Variants in UTP11 observed in about 807,000 individuals in gnomAD.
The protein encoded by UTP11 is probable U3 small nucleolar RNA-associated protein 11.
In UTP11, 29 loss-of-function variants were observed where a neutral mutation model predicts 39.0. The ratio of observed to expected loss-of-function variants is 0.74; its 90% CI spans 0.55 to 1.01. The LOEUF (loss-of-function observed/expected upper bound fraction) is 1.01, where lower values mean the gene tolerates loss of function less well. UTP11 is among the 50% of genes least tolerant of loss of function. UTP11 has a pLI of 0.00. For missense variants in UTP11, 281 were observed against 306.0 expected (o/e 0.92, Z 0.61); for synonymous variants, 111 against 105.0 (o/e 1.06, Z -0.35).
At position 38,024,011 on chromosome 1, in the gene UTP11, A is replaced by C. The variant is rs1301509054; in HGVS notation, c.*383A>C. On this transcript the variant is annotated 3_prime_UTR_variant, in exon 8 of 8. Coordinates refer to ENST00000373014, the MANE Select transcript of UTP11 (RefSeq NM_016037.4). The stretch of plus-strand genomic sequence containing the variant: ...TGCCACCATGTCTGAGTAATGTTTA[A>C]ATTTTCTGTAGAGACCAGGTTTTGC... The C allele has an allele frequency of 6.5e-6, 1 of 154,654 alleles. No individual in the cohort carries two copies. Among genetic ancestry groups the C allele is most frequent in the African/African-American group, 2.4e-5 (1 of 41,398 alleles). The allele number at this position is 154,654 out of a possible 1,614,324, so 9.6% of individuals were successfully genotyped here. A position where few individuals can be genotyped will look rare whatever the true frequency, so the allele number is the denominator to read the frequency against.
chr1:38,022,822 A>G lies in UTP11; in HGVS notation c.678+13A>G, dbSNP rs781150165. On this transcript the variant is annotated intron_variant, in intron 7 of 7. Coordinates refer to ENST00000373014, the MANE Select transcript of UTP11 (RefSeq NM_016037.4). ...CAAAGATCTTATGGTGAGGAGAGAG[A>G]GCCTTAGGCCTCTTTTTTTTTTTTT... The G allele has an allele frequency of 6.5e-7, 1 of 1,547,146 alleles. No homozygotes were observed. The highest frequency in any genetic ancestry group is 8.9e-7 in the Non-Finnish European group (1 of 1,128,288).
intron 2 of UTP11, chr1:38,017,201 AG>A (rs1646711536): frequency 6.5e-6 from 1 of 152,992 alleles, no homozygotes; most frequent in African/African-American, 2.4e-5. Flanking sequence ...AACTTATCCA[AG>A]GTTACTTAGC....
chr1:38,016,568 T>C (rs1295980918), intron 2 of UTP11, 148 bp downstream of exon 2: 1 of 743,768 alleles, frequency 1.3e-6, no homozygotes, highest in African/African-American at 1.8e-5. Flanking sequence ...GATAATTTTT[T>C]CTGTGATCCT....
At position 38,018,592 on chromosome 1, in the gene UTP11, G is replaced by A; in HGVS notation, c.342+15G>A. ...CAGAAGCTAAGGTAATTCACTCTTTGTTCTGATTGGTTTTATTGGTTAAGA... is the reference window on the plus strand; with the variant it reads ...CAGAAGCTAAGGTAATTCACTCTTTATTCTGATTGGTTTTATTGGTTAAGA... On this transcript the variant is annotated intron_variant, in intron 4 of 7. Transcript: ENST00000373014. 1.3e-6 allele frequency: 2 copies of A among 1,573,166 alleles called. No individual in the cohort carries two copies. The highest frequency in any genetic ancestry group is 1.2e-5 in the South Asian group (1 of 86,734).
intron 1 of UTP11, 91 bp from the exon 2 acceptor site, chr1:38,016,268 A>G (rs1370411236): frequency 3.0e-6 from 4 of 1,330,240 alleles, no homozygotes; most frequent in Non-Finnish European, 3.2e-6. Flanking sequence ...TGAGCACTCC[A>G]GAGACTCCTG....
chr1:38,016,551 C>A, intron 2 of UTP11, 131 bp downstream of exon 2: 1 of 876,506 alleles, frequency 1.1e-6, no homozygotes, highest in Non-Finnish European at 1.8e-6. Flanking sequence ...GCTCTGGCAG[C>A]CTGTCAGATA....
intron 7 of UTP11, 23 bp downstream of exon 7, chr1:38,022,832 C>G: frequency 6.7e-7 from 1 of 1,489,970 alleles, no homozygotes; most frequent in Non-Finnish European, 9.1e-7. Flanking sequence ...AGCCTTAGGC[C>G]TCTTTTTTTT....
rs199693054 is a variant in UTP11, at chr1:38,022,791, A to C, written c.660A>C (p.Gln220His). The C allele has an allele frequency of 4.3e-6, 7 of 1,613,674 alleles. No individual in the cohort carries two copies. Among genetic ancestry groups the C allele is most frequent in the Non-Finnish European group, 5.9e-6 (7 of 1,179,636 alleles). The change falls in exon 7 of 8, where the codon CAA (glutamine) becomes CAC (histidine). Residue 220 changes from glutamine to histidine, a missense_variant. Gln to His is a conservative substitution (Grantham distance 24, BLOSUM62 0). Transcript: ENST00000373014. ...TGTTCGTTATTGCTCAGAAAATTCAAACACGCAAAGATCTTATGGTGAGGA... is the reference window on the plus strand; with the variant it reads ...TGTTCGTTATTGCTCAGAAAATTCACACACGCAAAGATCTTATGGTGAGGA... Reference protein sequence around the residue: ...KKLFVIAQKIQTRKDLMDKTQ... With the variant: ...KKLFVIAQKIHTRKDLMDKTQ...
rs1570504411 is a variant in UTP11, at chr1:38,023,734, A to C, written c.*106A>C. Reference sequence around the variant, plus strand: ...TGGCATGGTTTTCCGGTTTGTAACCATAACTAAATTGTCAGTCTGACATTT... The same window carrying C: ...TGGCATGGTTTTCCGGTTTGTAACCCTAACTAAATTGTCAGTCTGACATTT... On this transcript the variant is annotated 3_prime_UTR_variant, in exon 8 of 8. Coordinates refer to ENST00000373014, the MANE Select transcript of UTP11 (RefSeq NM_016037.4). 1 of 892,848 alleles carries C rather than the reference A, an allele frequency of 1.1e-6. No individual in the cohort carries two copies. Among genetic ancestry groups the C allele is most frequent in the Admixed American group, 3.2e-5 (1 of 31,730 alleles). The allele number at this position is 892,848 out of a possible 1,614,324, so 55.3% of individuals were successfully genotyped here.
chr1:38,023,612 G>GTCGTCGAAAACGTTGACGTGTTATAGAT lies in UTP11; in HGVS notation c.747_*12dup, dbSNP rs746616399. 4.3e-6 allele frequency: 7 copies of GTCGTCGAAAACGTTGACGTGTTATAGAT among 1,609,840 alleles called. No homozygotes were observed. In the Admixed American group the frequency reaches 6.8e-5, roughly 16 times the overall value. On this transcript the variant is annotated stop_gained and frameshift_variant, in exon 8 of 8. Coordinates refer to ENST00000373014, the MANE Select transcript of UTP11 (RefSeq NM_016037.4). LOFTEE classifies it high-confidence loss of function. ...TCCCCAGCTATTTATAAATTTCAGA[G>GTCGTCGAAAACGTTGACGTGTTATAGAT]TCGTCGAAAACGTTGACGTGTTATA...
chr1:38,023,465 C>T lies in UTP11; in HGVS notation c.679-80C>T, dbSNP rs1570504131. 2.2e-5 allele frequency: 28 copies of T among 1,278,630 alleles called. No homozygotes were observed. The South Asian group carries it at 3.5e-4, about 16-fold the overall frequency. 79.2% of individuals were successfully genotyped at this position (1,278,630 alleles called of 1,614,324 possible). On this transcript the variant is annotated intron_variant, in intron 7 of 7. Coordinates refer to ENST00000373014, the MANE Select transcript of UTP11 (RefSeq NM_016037.4). ...ACTTTGAGAAGGGCTGAAGCAGGTG[C>T]TAATAGGTAGTTTATTAACCTTTCG...
Position 38,019,345 on chromosome 1 carries a change from GAA to G in UTP11, c.533_534del (p.Lys178SerfsTer11). The G allele has an allele frequency of 6.2e-7, 1 of 1,611,738 alleles. No homozygotes were observed. The highest frequency in any genetic ancestry group is 8.5e-7 in the Non-Finnish European group (1 of 1,179,032). On this transcript the variant is annotated frameshift_variant, in exon 6 of 8. Coordinates refer to ENST00000373014, the MANE Select transcript of UTP11 (RefSeq NM_016037.4). LOFTEE classifies it high-confidence loss of function. ...NRPRIETLQK[E>X]KVKGVTNQTG... The stretch of plus-strand genomic sequence containing the variant: ...GCCCAGGATAGAGACCTTGCAGAAA[GAA>G]AAAGTGAAAGGAGTTACCAATCAGA...
intron 6 of UTP11, among the ~76,000 whole-genome samples, chr1:38,019,996 A>G (rs1180119197): frequency 1.3e-5 from 2 of 152,168 alleles, no homozygotes; most frequent in Non-Finnish European, 2.9e-5. Flanking sequence ...CTTGTAACAG[A>G]TGCCAGTGTT....
intron 1 of UTP11, among the ~76,000 whole-genome samples, chr1:38,014,890 C>T (rs549993226): frequency 2.2e-4 from 33 of 152,186 alleles, no homozygotes; most frequent in Non-Finnish European, 1.8e-4. Context: ...GTGATCTGCC[C>T]ACCTCAGCTT....
At chr1:38,015,367 T>G (rs1399050865) in intron 1 of UTP11, among the ~76,000 whole-genome samples, 12 of 152,182 alleles carry the variant, frequency 7.9e-5, no homozygotes, top group Non-Finnish European at 1.8e-4. Context: ...TTTCCCAAAA[T>G]GTTAAGATTA....
chr1:38,013,166 A>T (rs1417422599), intron 1 of UTP11, among the ~76,000 whole-genome samples: 1 of 152,116 alleles, frequency 6.6e-6, no homozygotes, highest in Non-Finnish European at 1.5e-5. Context: ...GTCTCTTCTG[A>T]GGAGTTGAGG....
intron 1 of UTP11, among the ~76,000 whole-genome samples, chr1:38,015,317 G>A (rs1170571119): frequency 2.6e-5 from 4 of 152,072 alleles, no homozygotes; most frequent in African/African-American, 7.2e-5. Flanking sequence ...CACTGCACCC[G>A]GCCTATTATA....
chr1:38,021,624 G>C (rs1006003110), intron 6 of UTP11, among the ~76,000 whole-genome samples: 2 of 152,196 alleles, frequency 1.3e-5, no homozygotes, highest in African/African-American at 2.4e-5. Context: ...TGGGCGTGGT[G>C]GCTCATGCCT....
chr1:38,012,769 G>C lies in UTP11; in HGVS notation c.-34G>C, dbSNP rs778412943. On this transcript the variant is annotated 5_prime_UTR_variant, in exon 1 of 8. Coordinates refer to ENST00000373014, the MANE Select transcript of UTP11 (RefSeq NM_016037.4). ...GCGGCAGAGGCAGTGCGGATCCGGC[G>C]TTCTCCACTGATCTTTTCCAAGGCT... is the stretch of plus-strand genomic sequence containing the variant. The C allele has an allele frequency of 6.8e-6, 11 of 1,613,996 alleles. No individual in the cohort carries two copies. The highest frequency in any genetic ancestry group is 9.3e-6 in the Non-Finnish European group (11 of 1,179,876).
Sources: allele counts gnomAD v4.1 joint callset (sites outside exome capture counted in the v4.1 genomes callset), GRCh38; gene constraint gnomAD v4.1.1; transcripts MANE v1.5; gene names NCBI Gene and HGNC (gene_info 2026-07-23, HGNC 2026-07-21).